Variants in USP13 observed in about 807,000 individuals in gnomAD.
USP13 encodes ubiquitin specific peptidase 13, also known as ubiquitin carboxyl-terminal hydrolase 13.
A neutral mutation model predicts 107.8 loss-of-function variants in USP13; 68 were observed. That is an observed-to-expected ratio of 0.63 (90% CI 0.52 to 0.77). The LOEUF is 0.77. USP13 is among the 30% of genes least tolerant of loss of function. The probability of loss-of-function intolerance (pLI) is 0.00; values close to 1 mark genes in which losing one functional copy is unlikely to be tolerated. For missense variants in USP13, 945 were observed against 1,093.3 expected (o/e 0.86, Z 1.91); for synonymous variants, 377 against 389.5 (o/e 0.97, Z 0.38).
intron 1 of USP13, among the ~76,000 whole-genome samples, chr3:179,669,488 A>AAAT (rs1720683509): frequency 2.0e-5 from 3 of 151,612 alleles, no homozygotes; most frequent in Non-Finnish European, 2.9e-5. Flanking sequence ...AATAAATAAA[A>AAAT]AAAATAATAT....
intron 20 of USP13, among the ~76,000 whole-genome samples, chr3:179,782,935 G>A (rs1715796287): frequency 6.6e-6 from 1 of 152,016 alleles, no homozygotes; most frequent in Admixed American, 6.6e-5. Context: ...AGTAGAGATG[G>A]GGTTTCACTA....
rs1715968393 is a variant in USP13 at position 179,788,302 on chromosome 3, A to G, written c.*4161A>G. The stretch of plus-strand genomic sequence containing the variant: ...AAAAGAAATCCTACGCTATAGAACA[A>G]GGTTCTGTACTCTTGAGTTGGTGTC... On this transcript the variant is annotated 3_prime_UTR_variant, in exon 21 of 21. Transcript: ENST00000263966. The G allele has an allele frequency of 6.6e-6, 1 of 152,214 alleles. No individual in the cohort carries two copies. The highest frequency in any genetic ancestry group is 2.1e-4 in the South Asian group (1 of 4,826). The allele number at this position is 152,214 out of a possible 1,614,324, so 9.4% of individuals were successfully genotyped here. A position where few individuals can be genotyped will look rare whatever the true frequency, so the allele number is the denominator to read the frequency against.
chr3:179,698,844 A>G (rs910439235), intron 3 of USP13, among the ~76,000 whole-genome samples: 1 of 151,070 alleles, frequency 6.6e-6, no homozygotes, highest in Non-Finnish European at 1.5e-5. Flanking sequence ...ACTATGATTT[A>G]AATAATATTC....
At chr3:179,734,040 G>A (rs1713900630) in intron 10 of USP13, among the ~76,000 whole-genome samples, 1 of 152,226 alleles carries the variant, frequency 6.6e-6, no homozygotes, top group African/African-American at 2.4e-5. Flanking sequence ...TTTGAAGTTT[G>A]CAGAATTACC....
chr3:179,783,768 T>C (rs1715825281), intron 20 of USP13, among the ~76,000 whole-genome samples: 1 of 151,808 alleles, frequency 6.6e-6, no homozygotes, highest in African/African-American at 2.4e-5. Flanking sequence ...CTCCAGAGGC[T>C]GAAGCGAGAG....
At chr3:179,752,124 G>A (rs1418675748) in intron 13 of USP13, among the ~76,000 whole-genome samples, 161 bp from the exon 14 acceptor site, 1 of 152,204 alleles carries the variant, frequency 6.6e-6, no homozygotes, top group Non-Finnish European at 1.5e-5. Flanking sequence ...AGGGGAGAGC[G>A]AATGTGTGTC....
intron 8 of USP13, among the ~76,000 whole-genome samples, chr3:179,729,739 T>C (rs1282546374): frequency 6.6e-6 from 1 of 152,210 alleles, no homozygotes; most frequent in African/African-American, 2.4e-5. Context: ...TCCAAAGTGC[T>C]GGGATTACAG....
chr3:179,752,380 AT>A lies in USP13; in HGVS notation c.1798+8del, dbSNP rs757669684. ...TGGGTTCCCAAAAAATTTGGTAGGT[AT>A]CTTTTGCGTGCTTTTGCTTAAAACA... On this transcript the variant is annotated splice_region_variant and intron_variant, in intron 14 of 20. Coordinates refer to ENST00000263966, the MANE Select transcript of USP13 (RefSeq NM_003940.3). The A allele has an allele frequency of 6.2e-7, 1 of 1,607,394 alleles. No individual in the cohort carries two copies. The highest frequency in any genetic ancestry group is 1.1e-5 in the South Asian group (1 of 90,876).
At chr3:179,691,571 G>T (rs1712119743) in intron 3 of USP13, among the ~76,000 whole-genome samples, 1 of 152,146 alleles carries the variant, frequency 6.6e-6, no homozygotes, top group Non-Finnish European at 1.5e-5. Context: ...TGTCATACTG[G>T]TCATGCTGAA....
intron 10 of USP13, 81 bp from the exon 11 acceptor site, chr3:179,740,166 G>A: frequency 6.4e-7 from 1 of 1,569,474 alleles, no homozygotes; most frequent in Non-Finnish European, 8.7e-7. Flanking sequence ...TGGAGTTTAT[G>A]GTGGGTTCTG....
chr3:179,708,737 C>T (rs1712813234), intron 5 of USP13, 36 bp from the exon 6 acceptor site: 3 of 1,608,294 alleles, frequency 1.9e-6, no homozygotes, highest in Non-Finnish European at 1.7e-6. Flanking sequence ...AAAATTATGC[C>T]CTGGCTGTTC....
At chr3:179,712,594 C>G (rs576670449) in intron 6 of USP13, among the ~76,000 whole-genome samples, 1 of 151,852 alleles carries the variant, frequency 6.6e-6, no homozygotes, top group Non-Finnish European at 1.5e-5. Context: ...ATTAAATATT[C>G]TTCAGTATTT....
At chr3:179,688,079 A>ATCCATCCATCCGTCCGTCCG (rs1560049147) in intron 2 of USP13, among the ~76,000 whole-genome samples, 2 of 142,774 alleles carry the variant, frequency 1.4e-5, no homozygotes, top group African/African-American at 5.5e-5. Flanking sequence ...TAATCAGGAT[A>ATCCATCCATCCGTCCGTCCG]TCCATCCATC....
At chr3:179,669,003 A>G (rs116638415) in intron 1 of USP13, among the ~76,000 whole-genome samples, 94 of 152,304 alleles carry the variant, frequency 6.2e-4, no homozygotes, top group Middle Eastern at 3.4e-3. Context: ...GGTTGAATTA[A>G]TAGGTAGGTG....
At chr3:179,657,724 A>G (rs922099339) in intron 1 of USP13, among the ~76,000 whole-genome samples, 1 of 138,484 alleles carries the variant, frequency 7.2e-6, no homozygotes, top group Non-Finnish European at 1.5e-5. Context: ...AGATTGCGTC[A>G]CTGCACTCCA....
At chr3:179,671,495 C>T (rs561829809) in intron 1 of USP13, among the ~76,000 whole-genome samples, 4 of 152,104 alleles carry the variant, frequency 2.6e-5, no homozygotes, top group Non-Finnish European at 4.4e-5. Context: ...TAACAACATA[C>T]GCCAGGAAGA....
Position 179,730,596 on chromosome 3 carries a change from T to G in USP13, c.1161-20T>G. 1 of 1,589,278 alleles carries G rather than the reference T, an allele frequency of 6.3e-7. No individual in the cohort carries two copies. The highest frequency in any genetic ancestry group is 8.6e-7 in the Non-Finnish European group (1 of 1,166,250). On this transcript the variant is annotated intron_variant, in intron 9 of 20. Transcript: ENST00000263966. ...AAAACAACAATGACCTTTTTGTTTC[T>G]GTTTCTCTGTCCTGGCCAGGACTAA...
intron 6 of USP13, among the ~76,000 whole-genome samples, chr3:179,715,027 A>G (rs1003889801): frequency 6.7e-6 from 1 of 148,796 alleles, no homozygotes; most frequent in African/African-American, 2.5e-5. Flanking sequence ...TTGCCACCAC[A>G]CTCCATACTC....
chr3:179,669,974 C>T (rs1329609698), intron 1 of USP13, among the ~76,000 whole-genome samples: 1 of 152,130 alleles, frequency 6.6e-6, no homozygotes, highest in Non-Finnish European at 1.5e-5. Context: ...GCGTGCCAGG[C>T]TTCCTTGAGC....
Sources: gnomAD v4.1 joint callset for allele counts (sites outside exome capture counted in the v4.1 genomes callset) on GRCh38, gnomAD v4.1.1 for gene constraint, MANE v1.5 for transcripts, NCBI Gene and HGNC (gene_info 2026-07-23, HGNC 2026-07-21) for gene names.